ROBO1: variants seen among roughly 807,000 people sequenced by gnomAD.
ROBO1 encodes the protein roundabout homolog 1.
A neutral mutation model predicts 195.9 loss-of-function variants in ROBO1; 149 were observed. The observed-to-expected ratio is 0.76, with a 90% CI of 0.67 to 0.87. The LOEUF (loss-of-function observed/expected upper bound fraction) is 0.87. Among genes scored for constraint, ROBO1 ranks in the 40% least tolerant of loss-of-function variants. ROBO1 has a pLI of 0.00. For synonymous variants in ROBO1, 816 were observed against 733.2 expected, an observed-to-expected ratio of 1.11 and a Z score of -1.82; for missense variants, 1,933 against 2,068.3, an observed-to-expected ratio of 0.93 and a Z score of 1.27.
chr3:79,401,182 T>G (rs888403114), intron 2 of ROBO1, among the ~76,000 whole-genome samples: 2 of 151,780 alleles, frequency 1.3e-5, no homozygotes, highest in Non-Finnish European at 2.9e-5. Context: ...AATTACTGAT[T>G]TTTTTAAAAA....
chr3:79,543,085 G>C (rs568325091), intron 2 of ROBO1, among the ~76,000 whole-genome samples: 1 of 152,110 alleles, frequency 6.6e-6, no homozygotes, highest in South Asian at 2.1e-4. Context: ...AATAATGTCT[G>C]ACTTTCTTGG....
chr3:79,648,858 T>G (rs1945913898), intron 1 of ROBO1, among the ~76,000 whole-genome samples: 1 of 151,780 alleles, frequency 6.6e-6, no homozygotes, highest in Admixed American at 6.6e-5. Flanking sequence ...AAACATAGAA[T>G]AATTAGTCCA....
At chr3:79,516,001 A>G (rs893719299) in intron 2 of ROBO1, among the ~76,000 whole-genome samples, 2 of 152,202 alleles carry the variant, frequency 1.3e-5, no homozygotes, top group African/African-American at 4.8e-5. Flanking sequence ...TTAACAAGGA[A>G]AAGGAAGTTT....
At chr3:78,863,468 T>C (rs1048819042) in intron 4 of ROBO1, among the ~76,000 whole-genome samples, 5 of 152,138 alleles carry the variant, frequency 3.3e-5, no homozygotes, top group African/African-American at 1.2e-4. Flanking sequence ...TGCAGAAACC[T>C]AGCCAGGGGT....
At position 78,981,826 on chromosome 3, in the gene ROBO1, A is replaced by C. The variant is rs867788072; in HGVS notation, c.173-42899T>G. On this transcript the variant is annotated intron_variant, in intron 3 of 30. Transcript: ENST00000464233. Reference sequence around the variant, plus strand: ...ACACACACACACACACACACACACAAAAACACACCCACAGTGAGGGACTTT... The same window carrying C: ...ACACACACACACACACACACACACACAAACACACCCACAGTGAGGGACTTT... 5.7e-3 allele frequency among the ~76,000 whole-genome samples: 774 copies of C among 135,524 alleles called. 4 individuals carry two copies. Among genetic ancestry groups the C allele is most frequent in the Middle Eastern group, 0.026 (7 of 274 alleles). The allele number at this position is 135,524 out of a possible 152,430, so 88.9% of individuals were successfully genotyped here. A position where few individuals can be genotyped will look rare whatever the true frequency, so the allele number is the denominator to read the frequency against.
chr3:78,871,717 T>C (rs1036658203), intron 4 of ROBO1, among the ~76,000 whole-genome samples: 18 of 148,780 alleles, frequency 1.2e-4, no homozygotes, highest in African/African-American at 4.5e-4. Flanking sequence ...AAAAAGACAT[T>C]ATTTGCATTT....
intron 3 of ROBO1, among the ~76,000 whole-genome samples, chr3:78,954,147 A>C (rs2107790954): frequency 6.6e-6 from 1 of 152,084 alleles, no homozygotes; most frequent in East Asian, 1.9e-4. Flanking sequence ...TTCAAAAGAC[A>C]GAAAAGAAAA....
At chr3:79,427,555 T>G (rs2038497494) in intron 2 of ROBO1, among the ~76,000 whole-genome samples, 1 of 152,238 alleles carries the variant, frequency 6.6e-6, no homozygotes, top group Middle Eastern at 3.4e-3. Flanking sequence ...TTTCCTCATT[T>G]TAAAAATGGA....
chr3:79,553,285 A>G (rs1274523122), intron 2 of ROBO1, among the ~76,000 whole-genome samples: 2 of 152,018 alleles, frequency 1.3e-5, no homozygotes, highest in Non-Finnish European at 2.9e-5. Context: ...TTGCCTTGTC[A>G]TAACAAAATT....
chr3:78,826,853 G>A (rs2031658522), intron 4 of ROBO1, among the ~76,000 whole-genome samples: 1 of 152,108 alleles, frequency 6.6e-6, no homozygotes. Context: ...GAAACATTGG[G>A]ACCTCAGCTG....
At chr3:78,715,772 G>C (rs2081887640) in intron 7 of ROBO1, among the ~76,000 whole-genome samples, 1 of 152,138 alleles carries the variant, frequency 6.6e-6, no homozygotes, top group Admixed American at 6.6e-5. Flanking sequence ...CTGACCTCAG[G>C]TGATCCGCCC....
At chr3:79,627,658 A>G (rs1347848229) in intron 1 of ROBO1, among the ~76,000 whole-genome samples, 1 of 152,210 alleles carries the variant, frequency 6.6e-6, no homozygotes, top group African/African-American at 2.4e-5. Context: ...ATGGGATCTA[A>G]TTAAACTAAA....
chr3:79,397,450 A>T (rs2037198664), intron 2 of ROBO1, among the ~76,000 whole-genome samples: 1 of 152,160 alleles, frequency 6.6e-6, no homozygotes, highest in Non-Finnish European at 1.5e-5. Flanking sequence ...TAGTTCTGGC[A>T]AAGCATCTAA....
At chr3:79,390,116 T>A (rs2106696880) in intron 2 of ROBO1, among the ~76,000 whole-genome samples, 1 of 152,290 alleles carries the variant, frequency 6.6e-6, no homozygotes, top group Non-Finnish European at 1.5e-5. Flanking sequence ...CTATATTTTT[T>A]AACTTAAGTC....
intron 2 of ROBO1, among the ~76,000 whole-genome samples, chr3:79,301,286 C>T (rs1465529865): frequency 6.6e-6 from 1 of 152,156 alleles, no homozygotes; most frequent in African/African-American, 2.4e-5. Flanking sequence ...GAGCTGACCG[C>T]GAGAGTCCGC....
chr3:79,630,534 T>C (rs1576148175), intron 1 of ROBO1, among the ~76,000 whole-genome samples: 3 of 151,968 alleles, frequency 2.0e-5, no homozygotes, highest in South Asian at 2.1e-4. Context: ...GCCAACATCA[T>C]TGTGAATGGG....
At position 79,690,899 on chromosome 3, in the gene ROBO1, T is replaced by C. The variant is rs78466948; in HGVS notation, c.-51+76853A>G. On this transcript the variant is annotated intron_variant, in intron 1 of 30. Coordinates refer to ENST00000464233, the MANE Select transcript of ROBO1 (RefSeq NM_002941.4). The stretch of plus-strand genomic sequence containing the variant: ...TAAAGTAAAATATCAAAAACTAAGG[T>C]AGCATTGGGTAGTAACTCTTAAAAA... Among the ~76,000 whole-genome samples, 14 of 151,966 alleles carry C rather than the reference T, an allele frequency of 9.2e-5. No individual in the cohort carries two copies. In the East Asian group the frequency reaches 2.7e-3, roughly 30 times the overall value.
intron 2 of ROBO1, among the ~76,000 whole-genome samples, chr3:79,218,835 C>T (rs1001791319): frequency 4.0e-5 from 6 of 151,792 alleles, no homozygotes; most frequent in Non-Finnish European, 5.9e-5. Context: ...AGGCCCAAAT[C>T]TATTTCATTT....
At chr3:79,231,627 G>A (rs1374113962) in intron 2 of ROBO1, among the ~76,000 whole-genome samples, 1 of 152,146 alleles carries the variant, frequency 6.6e-6, no homozygotes, top group Admixed American at 6.6e-5. Flanking sequence ...ATGTAAATTA[G>A]TTCAACAATT....
Sources: gnomAD v4.1 joint callset for allele counts (sites outside exome capture counted in the v4.1 genomes callset) on GRCh38, gnomAD v4.1.1 for gene constraint, MANE v1.5 for transcripts, NCBI Gene and HGNC (gene_info 2026-07-23, HGNC 2026-07-21) for gene names.